The following FTO variants were observed in gnomAD, a reference collection of about 807,000 sequenced individuals.
FTO encodes the protein alpha-ketoglutarate-dependent dioxygenase FTO.
FTO carries 47 observed loss-of-function variants against 63.9 expected under a neutral mutation model. The ratio of observed to expected loss-of-function variants is 0.74; its 90% CI spans 0.58 to 0.94. The LOEUF is 0.94. FTO is among the 40% of genes least tolerant of loss of function. The pLI is 0.00. For synonymous variants in FTO, 207 were observed against 224.4 expected, an observed-to-expected ratio of 0.92 and a Z score of 0.69; for missense variants, 562 against 618.1, an observed-to-expected ratio of 0.91 and a Z score of 0.96.
chr16:53,984,458 G>A (rs1219389936), intron 8 of FTO, among the ~76,000 whole-genome samples: 1 of 151,076 alleles, frequency 6.6e-6, no homozygotes, highest in East Asian at 2.0e-4. Flanking sequence ...GAGTAGCAGG[G>A]TCTACAGCGC....
intron 4 of FTO, among the ~76,000 whole-genome samples, chr16:53,866,110 G>T (rs979337241): frequency 2.6e-5 from 4 of 152,090 alleles, no homozygotes; most frequent in Non-Finnish European, 5.9e-5. Context: ...TCATGAATGG[G>T]TATCACATTT....
chr16:53,985,631 G>T (rs190897500), intron 8 of FTO, among the ~76,000 whole-genome samples: 1 of 152,318 alleles, frequency 6.6e-6, no homozygotes, highest in East Asian at 1.9e-4. Flanking sequence ...GTGTGAGGTG[G>T]CATCGAGAAA....
intron 1 of FTO, among the ~76,000 whole-genome samples, chr16:53,742,693 A>G (rs781638837): frequency 6.6e-6 from 1 of 152,220 alleles, no homozygotes; most frequent in Non-Finnish European, 1.5e-5. Flanking sequence ...GGTGCATAGT[A>G]TGTACCAGGC....
At chr16:53,991,291 G>C (rs147317385) in intron 8 of FTO, 1 of 152,154 alleles carries the variant, frequency 6.6e-6, no homozygotes, top group Non-Finnish European at 1.5e-5. Flanking sequence ...CCCAAGCCTC[G>C]TGATTAATAA....
intron 5 of FTO, among the ~76,000 whole-genome samples, chr16:53,877,688 T>C (rs1382198587): frequency 6.6e-6 from 1 of 152,104 alleles, no homozygotes; most frequent in East Asian, 1.9e-4. Flanking sequence ...CTTTAAATGC[T>C]TGAATTTTAT....
In FTO at chr16:53,934,086, C is replaced by A. The variant is rs2082337252; in HGVS notation, c.1341C>A (p.Asn447Lys). 1 of 1,614,136 alleles carries A rather than the reference C, an allele frequency of 6.2e-7. No homozygotes were observed. The highest frequency in any genetic ancestry group is 1.3e-5 in the African/African-American group (1 of 75,054). ...AILASLTARQ[N>K]LRREWHARCQ... is the part of the protein sequence containing the mutation. Reference sequence around the variant, plus strand: ...TTGCCTCGCTCACTGCACGCCAGAACCTGAGGAGAGAATGGCATGCCAGGT... The same window carrying A: ...TTGCCTCGCTCACTGCACGCCAGAAACTGAGGAGAGAATGGCATGCCAGGT... The change falls in exon 8 of 9, where the codon AAC becomes AAA. Residue 447 changes from asparagine to lysine, a missense_variant. By Grantham distance (94) the Asn-to-Lys change is moderately conservative (BLOSUM62 0). Coordinates refer to ENST00000471389, the MANE Select transcript of FTO (RefSeq NM_001080432.3).
intron 7 of FTO, among the ~76,000 whole-genome samples, chr16:53,894,644 G>GTGTC (rs908729278): frequency 6.6e-6 from 1 of 151,814 alleles, no homozygotes; most frequent in Non-Finnish European, 1.5e-5. Flanking sequence ...GTGTGTGTGT[G>GTGTC]TGTGTATAAT....
intron 1 of FTO, among the ~76,000 whole-genome samples, chr16:53,791,869 C>G (rs568211417): frequency 2.0e-5 from 3 of 152,050 alleles, no homozygotes; most frequent in African/African-American, 4.8e-5. Context: ...GTCAGGAGAT[C>G]GAGACCATCC....
At chr16:53,710,172 A>ATTTG (rs763835327) in intron 1 of FTO, among the ~76,000 whole-genome samples, 1 of 145,712 alleles carries the variant, frequency 6.9e-6, no homozygotes. Context: ...GCTATCTTTT[A>ATTTG]TTTATTTATT....
At chr16:54,075,903 A>G (rs2085981026) in intron 8 of FTO, among the ~76,000 whole-genome samples, 1 of 152,206 alleles carries the variant, frequency 6.6e-6, no homozygotes, top group Admixed American at 6.5e-5. Context: ...AGAGTTGAGT[A>G]GAAAGGATCA....
chr16:54,111,942 GAA>G lies in FTO; in HGVS notation c.*31_*32del. On this transcript the variant is annotated 3_prime_UTR_variant, in exon 9 of 9. Transcript: ENST00000471389. ...AGGAGCACAAGTCTCAGGCGGAGGA[GAA>G]AAAGAGATCGGCTTTTCTCCTCCAA... 6.2e-7 allele frequency: 1 copy of G among 1,613,790 alleles called. No individual in the cohort carries two copies. Among genetic ancestry groups the G allele is most frequent in the South Asian group, 1.1e-5 (1 of 91,070 alleles).
chr16:53,926,820 T>G (rs898913072), intron 7 of FTO, among the ~76,000 whole-genome samples: 16 of 150,318 alleles, frequency 1.1e-4, no homozygotes, highest in African/African-American at 3.9e-4. Context: ...ATCAAAAGGG[T>G]TTTTTTTTTC....
rs1259762053 is a variant in FTO at position 53,844,287 on chromosome 16, A to G, written c.884A>G (p.Tyr295Cys). The G allele has an allele frequency of 6.2e-7, 1 of 1,612,986 alleles. No homozygotes were observed. The highest frequency in any genetic ancestry group is 8.5e-7 in the Non-Finnish European group (1 of 1,179,010). Reference sequence around the variant, plus strand: ...ATACCCCTTCACCAAGGAGACTGCTATTTCATGCTTGGTAATCTTTGGAAA... The same window carrying G: ...ATACCCCTTCACCAAGGAGACTGCTGTTTCATGCTTGGTAATCTTTGGAAA... ...LAIPLHQGDC[Y>C]FMLDDLNATH... Residue 295 changes from tyrosine (Y) to cysteine (C), a missense_variant, in exon 4 of 9, where the codon TAT becomes TGT. By Grantham distance (194) the Tyr-to-Cys change is radical (BLOSUM62 -2). Coordinates refer to ENST00000471389, the MANE Select transcript of FTO (RefSeq NM_001080432.3).
chr16:53,973,625 G>A (rs746102025), intron 8 of FTO, among the ~76,000 whole-genome samples: 1 of 152,104 alleles, frequency 6.6e-6, no homozygotes, highest in African/African-American at 2.4e-5. Flanking sequence ...CAGTCTCACT[G>A]TGTGTAATAT....
At chr16:54,069,202 A>G (rs2085802074) in intron 8 of FTO, among the ~76,000 whole-genome samples, 1 of 152,166 alleles carries the variant, frequency 6.6e-6, no homozygotes. Flanking sequence ...TCAGGGATTC[A>G]GGATTTGGCA....
At chr16:53,708,365 A>C (rs1396485261) in intron 1 of FTO, among the ~76,000 whole-genome samples, 1 of 143,230 alleles carries the variant, frequency 7.0e-6, no homozygotes. Context: ...ACTGTGTCTC[A>C]AAAAAAAAAA....
intron 4 of FTO, among the ~76,000 whole-genome samples, chr16:53,857,996 A>C (rs1443143940): frequency 2.1e-5 from 3 of 142,478 alleles, no homozygotes; most frequent in Non-Finnish European, 3.1e-5. Flanking sequence ...TAAAAGTATC[A>C]GGGAAAAAAG....
At chr16:54,096,760 A>T (rs2086524323) in intron 8 of FTO, among the ~76,000 whole-genome samples, 1 of 152,180 alleles carries the variant, frequency 6.6e-6, no homozygotes, top group Non-Finnish European at 1.5e-5. Flanking sequence ...TGTGACCTGG[A>T]ACAATGCTTT....
intron 8 of FTO, among the ~76,000 whole-genome samples, chr16:54,086,693 AT>A (rs1200623834): frequency 6.6e-6 from 1 of 152,222 alleles, no homozygotes; most frequent in African/African-American, 2.4e-5. Context: ...TTCATCAAAT[AT>A]TCATAAAGGC....
Sources: gnomAD v4.1 joint callset for allele counts (sites outside exome capture counted in the v4.1 genomes callset) on GRCh38, gnomAD v4.1.1 for gene constraint, MANE v1.5 for transcripts, NCBI Gene and HGNC (gene_info 2026-07-23, HGNC 2026-07-21) for gene names.